The following ZNF600 variants were observed in gnomAD, a reference collection of about 807,000 sequenced individuals.
ZNF600 encodes zinc finger protein 600.
ZNF600 carries 4 observed loss-of-function variants against 7.3 expected under a neutral mutation model. The observed-to-expected ratio is 0.55, with a 90% confidence interval of 0.27 to 1.25. The LOEUF (loss-of-function observed/expected upper bound fraction) is 1.25, where lower values mean the gene tolerates loss of function less well. ZNF600 is among the 50% of genes most tolerant of loss of function. The pLI is 0.12. For missense variants in ZNF600, 911 were observed against 922.1 expected (o/e 0.99, Z 0.16); for synonymous variants, 290 against 308.9 (o/e 0.94, Z 0.64).
At chr19:52,795,568 CTTTAT>C in the ZNF600 span, among the ~76,000 whole-genome samples, 16 of 151,952 alleles carry the variant, frequency 1.1e-4, no homozygotes, top group Non-Finnish European at 1.6e-4. Context: ...CAGTTATTTA[CTTTAT>C]TTTTATTTTG....
chr19:52,765,910 C>T (rs1302245577), exon 4 of ZNF600: 2 of 1,614,020 alleles, frequency 1.2e-6, no homozygotes, highest in Non-Finnish European at 1.7e-6. Context: ...AAAGCCTTCC[C>T]ACATTCATTA....
chr19:52,767,238 C>T, exon 4 of ZNF600: 6 of 1,614,110 alleles, frequency 3.7e-6, no homozygotes, highest in Non-Finnish European at 5.1e-6. Context: ...GAGTGAGCTA[C>T]AATTAAAGGC....
chr19:52,793,025 T>C, the ZNF600 span, among the ~76,000 whole-genome samples: 10 of 151,936 alleles, frequency 6.6e-5, no homozygotes, highest in African/African-American at 2.4e-4. Flanking sequence ...CGTGAGCCAC[T>C]GCACCTGGCC....
At chr19:52,789,130 A>T, upstream of ZNF600, among the ~76,000 whole-genome samples, 1 of 152,226 alleles carries the variant, frequency 6.6e-6, no homozygotes, top group East Asian at 1.9e-4. Flanking sequence ...TTTCATAGAA[A>T]AAGTGATGTC....
intron 1 of ZNF600, 92 bp from the exon 2 acceptor site, chr19:52,781,556 G>C (rs1489978224): frequency 1.3e-5 from 2 of 152,094 alleles, no homozygotes. Flanking sequence ...CACTGGAGCC[G>C]AGAAGTTTGA....
At chr19:52,802,698 C>T in the ZNF600 span, among the ~76,000 whole-genome samples, 1 of 151,838 alleles carries the variant, frequency 6.6e-6, no homozygotes, top group South Asian at 2.1e-4. Flanking sequence ...AATGTTAATA[C>T]CATATTTTTC....
At chr19:52,786,345 C>T (rs1160810099) in intron 1 of ZNF600, among the ~76,000 whole-genome samples, 3 of 152,186 alleles carry the variant, frequency 2.0e-5, no homozygotes, top group Non-Finnish European at 4.4e-5. Flanking sequence ...ACGCAGCCTC[C>T]CCGGGGCTGG....
At chr19:52,812,240 C>T in the ZNF600 span, among the ~76,000 whole-genome samples, 1 of 136,894 alleles carries the variant, frequency 7.3e-6, no homozygotes, top group South Asian at 2.4e-4. Context: ...CCCCTCTGCC[C>T]GGCCACGACC....
At chr19:52,774,097 G>A (rs899941621) in intron 3 of ZNF600, among the ~76,000 whole-genome samples, 2 of 151,900 alleles carry the variant, frequency 1.3e-5, no homozygotes, top group African/African-American at 2.4e-5. Flanking sequence ...ACAAAATGTG[G>A]TATACACATA....
At chr19:52,774,212 G>A (rs1194519660) in intron 3 of ZNF600, among the ~76,000 whole-genome samples, 1 of 151,682 alleles carries the variant, frequency 6.6e-6, no homozygotes, top group African/African-American at 2.4e-5. Context: ...GGTGGATCAC[G>A]TAAGGTGAGG....
At chr19:52,815,318 T>C in the ZNF600 span, among the ~76,000 whole-genome samples, 1 of 142,370 alleles carries the variant, frequency 7.0e-6, no homozygotes, top group Non-Finnish European at 1.5e-5. Flanking sequence ...GAGTTCAACA[T>C]CAGCCTGGCC....
upstream of ZNF600, among the ~76,000 whole-genome samples, chr19:52,791,253 A>C (rs149504649): frequency 1.3e-5 from 2 of 152,328 alleles, no homozygotes; most frequent in East Asian, 3.9e-4. Context: ...CCCCATGTCC[A>C]TTGATGTCTG....
the ZNF600 span, among the ~76,000 whole-genome samples, chr19:52,821,379 C>T: frequency 2.6e-5 from 4 of 152,078 alleles, no homozygotes; most frequent in Non-Finnish European, 5.9e-5. Flanking sequence ...TGCCCTGTAG[C>T]AGAAAGACCC....
At chr19:52,778,961 G>A (rs1474053064) in intron 1 of ZNF600, 54 bp from the exon 4 acceptor site, 5 of 1,510,222 alleles carry the variant, frequency 3.3e-6, no homozygotes, top group Non-Finnish European at 4.4e-6. Context: ...CTCCCATCCT[G>A]TGACAAAACC....
At chr19:52,773,361 T>C (rs1300821332) in intron 3 of ZNF600, among the ~76,000 whole-genome samples, 1 of 152,202 alleles carries the variant, frequency 6.6e-6, no homozygotes, top group Non-Finnish European at 1.5e-5. Context: ...AGCAGCAGTA[T>C]GGTGGCCTGA....
chr19:52,823,473 C>A, the ZNF600 span, among the ~76,000 whole-genome samples: 1 of 152,124 alleles, frequency 6.6e-6, no homozygotes, highest in East Asian at 1.9e-4. Context: ...ACCTTAGCCT[C>A]CCAAAGTGCT....
chr19:52,825,953 G>A, the ZNF600 span, among the ~76,000 whole-genome samples: 1 of 152,150 alleles, frequency 6.6e-6, no homozygotes, highest in African/African-American at 2.4e-5. Context: ...GCGCCACTGC[G>A]CTCCAGTCTG....
At chr19:52,829,322 G>A in the ZNF600 span, among the ~76,000 whole-genome samples, 15 of 151,214 alleles carry the variant, frequency 9.9e-5, no homozygotes, top group African/African-American at 3.2e-4. Flanking sequence ...CCACTAACTC[G>A]TCATCTAGCA....
chr19:52,774,458 CA>C (rs35098902), intron 3 of ZNF600, 116 bp downstream of exon 5: 43,439 of 789,388 alleles, frequency 0.055, no homozygotes, highest in South Asian at 0.1. Flanking sequence ...AAAAAACAAC[CA>C]AAAAAAAAAA....
Sources: gnomAD v4.1 joint callset for allele counts (sites outside exome capture counted in the v4.1 genomes callset) on GRCh38, gnomAD v4.1.1 for gene constraint, MANE v1.5 for transcripts, NCBI Gene and HGNC (gene_info 2026-07-23, HGNC 2026-07-21) for gene names.